The following HMCN2 variants were observed in gnomAD, a reference collection of about 807,000 sequenced individuals.
HMCN2 encodes hemicentin-2.
Under a neutral mutation model 377.5 loss-of-function variants are expected in HMCN2, and 325 were observed. The observed-to-expected ratio is 0.86, with a 90% CI of 0.79 to 0.94. The LOEUF (loss-of-function observed/expected upper bound fraction) is 0.94, where lower values mean the gene tolerates loss of function less well. HMCN2 is among the 40% of genes least tolerant of loss of function. HMCN2 has a pLI of 0.00. For synonymous variants in HMCN2, 2,007 were observed against 2,046.8 expected (o/e 0.98, Z 0.53); for missense variants, 4,543 against 4,725.3 (o/e 0.96, Z 1.13).
chr9:130,267,476 A>ACACACACACGCG (rs1265312371), intron 1 of HMCN2, among the ~76,000 whole-genome samples: 1 of 149,934 alleles, frequency 6.7e-6, no homozygotes, highest in East Asian at 2.0e-4. Context: ...ACACACACAC[A>ACACACACACGCG]CGCACAGATT....
chr9:130,427,468 G>A (rs773729905), intron 91 of HMCN2, 29 bp from the exon 92 acceptor site: 29 of 1,550,166 alleles, frequency 1.9e-5, no homozygotes, highest in Admixed American at 1.4e-4. Context: ...GCCTGGGAGC[G>A]GAGACCACCA....
Position 130,349,673 on chromosome 9 carries a change from C to T in HMCN2, c.4430+10C>T, listed in dbSNP as rs1839594171. ...GGACCAAGGACAGGCAGTGAGTGCC[C>T]CCCTCCCCGAGGATGGCGTGTGGTG... On this transcript the variant is annotated intron_variant, in intron 29 of 97. Coordinates refer to ENST00000683500, the MANE Select transcript of HMCN2 (RefSeq NM_001291815.2). 1.5e-6 allele frequency: 2 copies of T among 1,300,374 alleles called. No homozygotes were observed. The highest frequency in any genetic ancestry group is 2.5e-5 in the South Asian group (2 of 80,714). 80.6% of individuals were successfully genotyped at this position (1,300,374 alleles called of 1,614,324 possible).
intron 43 of HMCN2, among the ~76,000 whole-genome samples, chr9:130,367,361 G>A (rs1336779830): frequency 2.6e-5 from 4 of 152,158 alleles, no homozygotes; most frequent in Non-Finnish European, 5.9e-5. Flanking sequence ...CACCAGGACA[G>A]AGAGGGAGGA....
Position 130,304,884 on chromosome 9 carries a change from G to C in HMCN2, c.1698G>C (p.Gln566His), listed in dbSNP as rs1554936084. Reference protein sequence around the residue: ...VLPASTGRVAQLADLSLEISG... With the variant: ...VLPASTGRVAHLADLSLEISG... ...CGGCCTCGACGGGCCGAGTTGCCCA[G>C]CTGGCTGACCTGTCCCTGGAGATCA... Residue 566 changes from glutamine to histidine, a missense_variant, in exon 11 of 98, where the codon CAG (glutamine) becomes CAC (histidine). Around this residue, in one of 5 missense-constraint regions of HMCN2, gnomAD observed 547 missense variants for 189.9 expected, o/e 2.88. Transcript: ENST00000683500. The surrounding 1 kb of genome is among the most constrained non-coding windows in gnomAD (Gnocchi z 4.3). 1 of 471,152 alleles carries C rather than the reference G, an allele frequency of 2.1e-6. No homozygotes were observed. Among genetic ancestry groups the C allele is most frequent in the Non-Finnish European group, 4.4e-6 (1 of 227,064 alleles). The allele number at this position is 471,152 out of a possible 1,614,324, so 29.2% of individuals were successfully genotyped here. A position where few individuals can be genotyped will look rare whatever the true frequency, so the allele number is the denominator to read the frequency against.
chr9:130,397,835 G>T (rs919706286), intron 74 of HMCN2, among the ~76,000 whole-genome samples, 180 bp downstream of exon 74: 1 of 152,104 alleles, frequency 6.6e-6, no homozygotes, highest in Admixed American at 6.5e-5. Context: ...ATGTATTTTA[G>T]TGCATATATT....
chr9:130,317,311 T>C (rs1206269999), intron 15 of HMCN2, among the ~76,000 whole-genome samples: 2 of 152,146 alleles, frequency 1.3e-5, no homozygotes, highest in Non-Finnish European at 2.9e-5. Context: ...TATGAGTTCA[T>C]TGAGCCATGA....
rs1554927625 is a variant in HMCN2 at position 130,286,226 on chromosome 9, C to A, written c.528C>A (p.Thr176=). 1 of 471,036 alleles carries A rather than the reference C, an allele frequency of 2.1e-6. No homozygotes were observed. Among genetic ancestry groups the A allele is most frequent in the Admixed American group, 2.3e-5 (1 of 42,582 alleles). The allele number at this position is 471,036 out of a possible 1,614,324, so 29.2% of individuals were successfully genotyped here. Residue 176 remains threonine (T), a synonymous_variant, in exon 4 of 98, where the codon ACC becomes ACA. Transcript: ENST00000683500. ...FVLTGDCGDR[T]HPGYLAYEEI... ...TGACGGGGGACTGTGGCGACCGCAC[C>A]CATCCTGGCTACCTGGCTTATGAGG...
At chr9:130,372,612 T>C (rs1006100289) in intron 47 of HMCN2, among the ~76,000 whole-genome samples, 2 of 152,122 alleles carry the variant, frequency 1.3e-5, no homozygotes, top group Admixed American at 1.3e-4. Context: ...CTGTCTCTAT[T>C]AAATGTACAA....
rs967651437 is a variant in HMCN2 at position 130,428,090 on chromosome 9, G to A, written c.14066-268G>A. Among the ~76,000 whole-genome samples, 2 of 152,214 alleles carry A rather than the reference G, an allele frequency of 1.3e-5. No individual in the cohort carries two copies. The highest frequency in any genetic ancestry group is 4.8e-5 in the African/African-American group (2 of 41,468). On this transcript the variant is annotated intron_variant, in intron 92 of 97. Transcript: ENST00000683500. The surrounding 1 kb of genome is among the most constrained non-coding windows in gnomAD (Gnocchi z 5.0). Reference sequence around the variant, plus strand: ...CCTGGTGCTGCCAAGTCTCCGCTGGGCTCCAAGCCGGGTGCCCAAGGGGAC... The same window carrying A: ...CCTGGTGCTGCCAAGTCTCCGCTGGACTCCAAGCCGGGTGCCCAAGGGGAC...
chr9:130,370,877 T>C, intron 45 of HMCN2, 87 bp from the exon 46 acceptor site: 1 of 831,074 alleles, frequency 1.2e-6, no homozygotes, highest in Non-Finnish European at 1.5e-6. Flanking sequence ...TGGGTGGAGT[T>C]GGGGGGCAGT....
intron 66 of HMCN2, among the ~76,000 whole-genome samples, chr9:130,392,951 G>A (rs369364273): frequency 1.7e-4 from 26 of 151,906 alleles, no homozygotes; most frequent in South Asian, 1.7e-3. Context: ...AGCCGAGATC[G>A]TGCCACTGCA....
rs1839554241 is a variant in HMCN2 at position 130,349,103 on chromosome 9, C to G, written c.4275C>G (p.Ala1425=). 1 of 1,304,164 alleles carries G rather than the reference C, an allele frequency of 7.7e-7. No individual in the cohort carries two copies. Among genetic ancestry groups the G allele is most frequent in the Non-Finnish European group, 1.0e-6 (1 of 988,914 alleles). 80.8% of individuals were successfully genotyped at this position (1,304,164 alleles called of 1,614,324 possible). A position where few individuals can be genotyped will look rare whatever the true frequency, so the allele number is the denominator to read the frequency against. Residue 1425 remains alanine, a synonymous_variant, in exon 28 of 98, where the codon GCC becomes GCG. Transcript: ENST00000683500. ...SCRAENQAGT[A]QRDFHLLVLT... is the part of the protein sequence containing the mutation. ...GGGCAGAGAACCAGGCTGGCACCGC[C>G]CAGAGGGACTTCCATCTCCTTGTGC...
chr9:130,354,587 A>C (rs1248097323), intron 31 of HMCN2, among the ~76,000 whole-genome samples, 176 bp from the exon 32 acceptor site: 2 of 152,056 alleles, frequency 1.3e-5, no homozygotes, highest in Admixed American at 6.5e-5. Flanking sequence ...GGGGCTGAGG[A>C]GGGTGAGAAT....
At chr9:130,316,222 G>C (rs1389390046) in intron 15 of HMCN2, among the ~76,000 whole-genome samples, 5 of 152,328 alleles carry the variant, frequency 3.3e-5, no homozygotes, top group Non-Finnish European at 5.9e-5. Flanking sequence ...AAAGGAAGCA[G>C]CGTCAGGGAC....
At position 130,349,677 on chromosome 9, in the gene HMCN2, T is replaced by A. The variant is rs1282921683; in HGVS notation, c.4430+14T>A. The stretch of plus-strand genomic sequence containing the variant: ...CAAGGACAGGCAGTGAGTGCCCCCC[T>A]CCCCGAGGATGGCGTGTGGTGGTGC... On this transcript the variant is annotated intron_variant, in intron 29 of 97. Coordinates refer to ENST00000683500, the MANE Select transcript of HMCN2 (RefSeq NM_001291815.2). 1 of 1,298,542 alleles carries A rather than the reference T, an allele frequency of 7.7e-7. No homozygotes were observed. The allele number at this position is 1,298,542 out of a possible 1,614,324, so 80.4% of individuals were successfully genotyped here.
chr9:130,371,815 G>A (rs1841035964), intron 46 of HMCN2, among the ~76,000 whole-genome samples: 1 of 152,248 alleles, frequency 6.6e-6, no homozygotes, highest in African/African-American at 2.4e-5. Context: ...GGCTCTGGGT[G>A]CAGTAACAGC....
chr9:130,283,020 G>A lies in HMCN2; in HGVS notation c.260-1583G>A, dbSNP rs182179019. Among the ~76,000 whole-genome samples the A allele has an allele frequency of 7.8e-3, 1,185 of 152,224 alleles. 6 individuals carry two copies. Among genetic ancestry groups the A allele is most frequent in the Non-Finnish European group, 9.7e-3 (661 of 68,000 alleles). On this transcript the variant is annotated intron_variant, in intron 1 of 97. Coordinates refer to ENST00000683500, the MANE Select transcript of HMCN2 (RefSeq NM_001291815.2). ...TGGGAGGTGGAGGTTGCAGTGAGCC[G>A]AGATCATGCCACTATACTGCAGCCT... is the stretch of plus-strand genomic sequence containing the variant.
At position 130,288,146 on chromosome 9, in the gene HMCN2, G is replaced by A. The variant is rs138036608; in HGVS notation, c.612+1836G>A. Among the ~76,000 whole-genome samples, 285 of 152,278 alleles carry A rather than the reference G, an allele frequency of 1.9e-3. 2 individuals are homozygous for A. The highest frequency in any genetic ancestry group is 6.3e-3 in the African/African-American group (263 of 41,562). ...TGCATGGGAACTTGGTTCCTGCCAG[G>A]GGCAAATCAGACACAGGGCAGCTGG... On this transcript the variant is annotated intron_variant, in intron 4 of 97. Transcript: ENST00000683500.
At chr9:130,313,836 G>A (rs1837403175) in intron 15 of HMCN2, among the ~76,000 whole-genome samples, 1 of 135,646 alleles carries the variant, frequency 7.4e-6, no homozygotes, top group African/African-American at 2.8e-5. Flanking sequence ...CTGTAGTGCA[G>A]TGGCACGATC....
Sources: gnomAD v4.1 joint callset for allele counts (sites outside exome capture counted in the v4.1 genomes callset) on GRCh38, gnomAD v4.1.1 for gene constraint, gnomAD v4.1.1 regional missense constraint, Gnocchi (gnomAD v3.1) non-coding constraint, MANE v1.5 for transcripts, NCBI Gene and HGNC (gene_info 2026-07-23, HGNC 2026-07-21) for gene names.